SRGAP1: variants seen among roughly 807,000 people sequenced by gnomAD.
SRGAP1 encodes the protein SLIT-ROBO Rho GTPase activating protein 1, also known as SLIT-ROBO Rho GTPase-activating protein 1.
SRGAP1 carries 43 observed loss-of-function variants against 121.9 expected under a neutral mutation model. That is an observed-to-expected ratio of 0.35 (90% CI 0.28 to 0.46). The LOEUF (loss-of-function observed/expected upper bound fraction) is 0.46. Ranked by LOEUF, SRGAP1 falls within the 20% of genes least tolerant of loss-of-function variation. The pLI is 1.00. For synonymous variants in SRGAP1, 447 were observed against 485.4 expected (o/e 0.92, Z 1.04); for missense variants, 1,102 against 1,350.9 (o/e 0.82, Z 2.89).
chr12:64,022,361 C>T (rs1306099626), intron 4 of SRGAP1, among the ~76,000 whole-genome samples: 1 of 152,120 alleles, frequency 6.6e-6, no homozygotes, highest in Non-Finnish European at 1.5e-5. Context: ...AGGAAAAGAC[C>T]AATGTTCCAG....
intron 1 of SRGAP1, among the ~76,000 whole-genome samples, chr12:63,872,986 G>T (rs1293018260): frequency 1.3e-5 from 2 of 152,088 alleles, no homozygotes; most frequent in Admixed American, 1.3e-4. Flanking sequence ...GGCATTCTGG[G>T]TATAGGAAAG....
intron 1 of SRGAP1, among the ~76,000 whole-genome samples, chr12:63,974,434 T>A (rs554709257): frequency 1.1e-4 from 17 of 152,322 alleles, no homozygotes; most frequent in African/African-American, 3.8e-4. Flanking sequence ...AGCCTCTATG[T>A]GTCAGAAATT....
chr12:63,850,107 A>G (rs979062789), intron 1 of SRGAP1, among the ~76,000 whole-genome samples: 1 of 152,192 alleles, frequency 6.6e-6, no homozygotes, highest in Non-Finnish European at 1.5e-5. Flanking sequence ...AGGTCTAGAA[A>G]AACAACATGG....
In SRGAP1 at chr12:64,020,572, G is replaced by C. The variant is rs2034517463; in HGVS notation, c.489+3560G>C. Among the ~76,000 whole-genome samples the C allele has an allele frequency of 2.0e-5, 3 of 152,230 alleles. 1 individual carries two copies. The highest frequency in any genetic ancestry group is 2.0e-4 in the Admixed American group (3 of 15,282). The stretch of plus-strand genomic sequence containing the variant: ...ATTAGTTCAGTCTTCACTGGCTACA[G>C]TGGCTTATGCCTGTAATCCCAGAGC... On this transcript the variant is annotated intron_variant, in intron 4 of 21. Coordinates refer to ENST00000355086, the MANE Select transcript of SRGAP1 (RefSeq NM_020762.4).
rs565622110 is a variant in SRGAP1 at position 63,965,631 on chromosome 12, C to A, written c.68-18316C>A. 9.9e-5 allele frequency among the ~76,000 whole-genome samples: 15 copies of A among 151,920 alleles called. No homozygotes were observed. The East Asian group carries it at 2.3e-3, about 24-fold the overall frequency. ...GACCTGGCTGGGCAACATAGTGAGA[C>A]CTCATTGGCATCACAGTGAGACCTC... On this transcript the variant is annotated intron_variant, in intron 1 of 21. Transcript: ENST00000355086.
chr12:64,123,674 T>C (rs990476009), intron 18 of SRGAP1, among the ~76,000 whole-genome samples: 1 of 144,820 alleles, frequency 6.9e-6, no homozygotes, highest in Non-Finnish European at 1.5e-5. Flanking sequence ...ATTTATTTAT[T>C]TATTTATTTA....
chr12:63,951,930 T>C (rs1490781325), intron 1 of SRGAP1, among the ~76,000 whole-genome samples: 2 of 151,702 alleles, frequency 1.3e-5, no homozygotes, highest in Non-Finnish European at 2.9e-5. Flanking sequence ...AGTTTTGGGT[T>C]TGTGTGTGTG....
At chr12:63,955,041 G>C (rs185410343) in intron 1 of SRGAP1, among the ~76,000 whole-genome samples, 1 of 152,102 alleles carries the variant, frequency 6.6e-6, no homozygotes, top group Non-Finnish European at 1.5e-5. Context: ...TAAAAGGCCC[G>C]GCGCGGTGGC....
At chr12:63,852,232 A>G (rs975302789) in intron 1 of SRGAP1, among the ~76,000 whole-genome samples, 2 of 151,770 alleles carry the variant, frequency 1.3e-5, no homozygotes, top group African/African-American at 4.8e-5. Flanking sequence ...CAAGTGATCC[A>G]CCTGCTTGAG....
chr12:63,859,736 C>A (rs1267067252), intron 1 of SRGAP1, among the ~76,000 whole-genome samples: 3 of 152,092 alleles, frequency 2.0e-5, no homozygotes, highest in African/African-American at 7.2e-5. Context: ...AACACCTTTT[C>A]CTCTTTTTAA....
intron 1 of SRGAP1, among the ~76,000 whole-genome samples, chr12:63,936,727 G>A (rs549784663): frequency 6.6e-6 from 1 of 152,292 alleles, no homozygotes; most frequent in African/African-American, 2.4e-5. Flanking sequence ...TGTAAAGCCA[G>A]TTTGAATTGG....
intron 21 of SRGAP1, among the ~76,000 whole-genome samples, chr12:64,128,826 A>G (rs2036740450): frequency 6.6e-6 from 1 of 152,240 alleles, no homozygotes; most frequent in Non-Finnish European, 1.5e-5. Flanking sequence ...TTTGCTTCCC[A>G]ACAGTGACTG....
intron 1 of SRGAP1, among the ~76,000 whole-genome samples, chr12:63,859,330 C>A (rs572421110): frequency 6.6e-6 from 1 of 151,908 alleles, no homozygotes; most frequent in Non-Finnish European, 1.5e-5. Context: ...TGGCTCCTGG[C>A]TAATTTTTGT....
intron 3 of SRGAP1, among the ~76,000 whole-genome samples, chr12:64,006,645 T>C (rs1243034968): frequency 1.3e-5 from 2 of 152,188 alleles, no homozygotes; most frequent in Non-Finnish European, 2.9e-5. Context: ...ATGAGGAAGC[T>C]GTTGCATTAG....
At chr12:63,891,593 T>C (rs1900582377) in intron 1 of SRGAP1, among the ~76,000 whole-genome samples, 1 of 152,164 alleles carries the variant, frequency 6.6e-6, no homozygotes, top group African/African-American at 2.4e-5. Context: ...GCATGCTTTG[T>C]TGAGCTGATG....
At chr12:63,845,697 T>C (rs552912516) in intron 1 of SRGAP1, among the ~76,000 whole-genome samples, 16 of 152,338 alleles carry the variant, frequency 1.1e-4, no homozygotes, top group Admixed American at 7.2e-4. Flanking sequence ...ACAAGTATTT[T>C]GTTTTGTTAC....
chr12:64,136,134 A>G (rs954256099), intron 21 of SRGAP1, among the ~76,000 whole-genome samples: 6 of 152,202 alleles, frequency 3.9e-5, no homozygotes, highest in Non-Finnish European at 8.8e-5. Context: ...TCCAATGTTA[A>G]TGTCCTTTGG....
At chr12:63,865,899 G>C (rs543121123) in intron 1 of SRGAP1, among the ~76,000 whole-genome samples, 14 of 150,906 alleles carry the variant, frequency 9.3e-5, no homozygotes, top group African/African-American at 2.7e-4. Context: ...TGCAAGTTTG[G>C]TTTTGGGAAG....
At chr12:63,904,098 C>T (rs1263826335) in intron 1 of SRGAP1, among the ~76,000 whole-genome samples, 1 of 152,154 alleles carries the variant, frequency 6.6e-6, no homozygotes, top group Non-Finnish European at 1.5e-5. Context: ...CCCTCCCACC[C>T]GAGATAACTC....
Sources: gnomAD v4.1 joint callset for allele counts (sites outside exome capture counted in the v4.1 genomes callset) on GRCh38, gnomAD v4.1.1 for gene constraint, MANE v1.5 for transcripts, NCBI Gene and HGNC (gene_info 2026-07-23, HGNC 2026-07-21) for gene names.